The following ERLIN1 variants were observed in gnomAD, a reference collection of about 807,000 sequenced individuals.
The protein encoded by ERLIN1 is erlin-1.
In ERLIN1, 24 loss-of-function variants were observed where a neutral mutation model predicts 46.9. That is an observed-to-expected ratio of 0.51 (90% CI 0.37 to 0.72). The LOEUF (loss-of-function observed/expected upper bound fraction) is 0.72, where lower values mean the gene tolerates loss of function less well. Among genes scored for constraint, ERLIN1 ranks in the 30% least tolerant of loss-of-function variants. The probability of loss-of-function intolerance (pLI) is 0.00; values close to 1 mark genes in which losing one functional copy is unlikely to be tolerated. For synonymous variants in ERLIN1, 158 were observed against 143.2 expected (o/e 1.10, Z -0.74); for missense variants, 293 against 417.9 (o/e 0.70, Z 2.61).
intron 1 of ERLIN1, among the ~76,000 whole-genome samples, chr10:100,184,828 T>C (rs142180368): frequency 6.6e-6 from 1 of 152,204 alleles, no homozygotes; most frequent in Non-Finnish European, 1.5e-5. Flanking sequence ...AAGCAAAAAG[T>C]TGACGCTCTT....
Position 100,150,254 on chromosome 10 carries a change from C to T in ERLIN1, c.*1877G>A, listed in dbSNP as rs1842735739. 1 of 103,120 alleles carries T rather than the reference C, an allele frequency of 9.7e-6. No individual in the cohort carries two copies. Among genetic ancestry groups the T allele is most frequent in the Non-Finnish European group, 2.0e-5 (1 of 50,400 alleles). 6.4% of individuals were successfully genotyped at this position (103,120 alleles called of 1,614,324 possible). On this transcript the variant is annotated 3_prime_UTR_variant, in exon 11 of 11. Transcript: ENST00000421367. ...GGCACAGGGAGGCACACTCCTCACA[C>T]ATGGGAGTTTAAGCAGAAGTGCTTT...
At chr10:100,152,929 C>A (rs1185754209) in intron 10 of ERLIN1, among the ~76,000 whole-genome samples, 1 of 152,068 alleles carries the variant, frequency 6.6e-6, no homozygotes, top group Admixed American at 6.6e-5. Flanking sequence ...TAGCTCGCTG[C>A]TGCAGCCTCA....
intron 3 of ERLIN1, among the ~76,000 whole-genome samples, chr10:100,178,504 C>G (rs183251501): frequency 1.1e-3 from 175 of 152,284 alleles, no homozygotes; most frequent in African/African-American, 4.0e-3. Context: ...TTCCCTAAAC[C>G]TCTTTAGGAC....
At chr10:100,177,166 A>G (rs1434017706) in intron 4 of ERLIN1, among the ~76,000 whole-genome samples, 1 of 152,132 alleles carries the variant, frequency 6.6e-6, no homozygotes, top group African/African-American at 2.4e-5. Context: ...TAAATACTTA[A>G]TGACTAAATC....
At chr10:100,161,523 C>T (rs1172373469) in intron 8 of ERLIN1, among the ~76,000 whole-genome samples, 2 of 151,962 alleles carry the variant, frequency 1.3e-5, no homozygotes, top group African/African-American at 4.8e-5. Flanking sequence ...AATCAAAATC[C>T]CAACACAATA....
At chr10:100,165,304 C>A (rs1843568981) in intron 7 of ERLIN1, among the ~76,000 whole-genome samples, 1 of 151,896 alleles carries the variant, frequency 6.6e-6, no homozygotes, top group Non-Finnish European at 1.5e-5. Context: ...TTGATAAAGA[C>A]ATCAAATGAC....
chr10:100,161,670 C>T (rs76650494), intron 8 of ERLIN1, among the ~76,000 whole-genome samples: 4 of 151,988 alleles, frequency 2.6e-5, no homozygotes, highest in Admixed American at 6.6e-5. Context: ...CTCTCCACAT[C>T]GCAAGACTTA....
Position 100,180,928 on chromosome 10 carries a change from T to C in ERLIN1, c.196-1681A>G, listed in dbSNP as rs947027772. 3.9e-5 allele frequency among the ~76,000 whole-genome samples: 6 copies of C among 152,254 alleles called. No individual in the cohort carries two copies. The South Asian group carries it at 6.2e-4, about 16-fold the overall frequency. ...ATGAAAGCTGTCAATCCAGACATAATAGAGGAGGTATCTGATACTTGGTTG... is the reference window on the plus strand; with the variant it reads ...ATGAAAGCTGTCAATCCAGACATAACAGAGGAGGTATCTGATACTTGGTTG... On this transcript the variant is annotated intron_variant, in intron 2 of 10. Coordinates refer to ENST00000421367, the MANE Select transcript of ERLIN1 (RefSeq NM_006459.4).
chr10:100,154,204 G>A (rs1359216844), intron 10 of ERLIN1, among the ~76,000 whole-genome samples: 3 of 152,090 alleles, frequency 2.0e-5, no homozygotes, highest in African/African-American at 4.8e-5. Flanking sequence ...GCCCTGTACC[G>A]TCTAGCCAGC....
At chr10:100,183,634 T>C (rs1844787419) in intron 2 of ERLIN1, 122 bp downstream of exon 2, 3 of 609,016 alleles carry the variant, frequency 4.9e-6, no homozygotes, top group Non-Finnish European at 5.8e-6. Context: ...CGTTAACTTC[T>C]GCATTTAAGT....
At chr10:100,155,670 A>G (rs945392210) in intron 9 of ERLIN1, among the ~76,000 whole-genome samples, 11 of 151,744 alleles carry the variant, frequency 7.2e-5, no homozygotes, top group African/African-American at 2.7e-4. Flanking sequence ...GCCCGCCACC[A>G]CGCCCGGCTA....
chr10:100,168,680 CTTT>C (rs200700163), intron 6 of ERLIN1, among the ~76,000 whole-genome samples: 4 of 138,308 alleles, frequency 2.9e-5, no homozygotes, highest in South Asian at 2.3e-4. Flanking sequence ...TAAAGTAGGA[CTTT>C]TTTTTTTTTT....
At chr10:100,173,403 C>A (rs1038327420) in intron 6 of ERLIN1, among the ~76,000 whole-genome samples, 1 of 152,102 alleles carries the variant, frequency 6.6e-6, no homozygotes, top group Non-Finnish European at 1.5e-5. Flanking sequence ...AAACACCTAC[C>A]CCGCCACACT....
chr10:100,161,651 C>G (rs1843368941), intron 8 of ERLIN1, among the ~76,000 whole-genome samples: 1 of 152,088 alleles, frequency 6.6e-6, no homozygotes, highest in Non-Finnish European at 1.5e-5. Flanking sequence ...GAAATAGTTA[C>G]ACAACTCACT....
chr10:100,179,456 C>T (rs1844506283), intron 2 of ERLIN1, among the ~76,000 whole-genome samples: 2 of 150,690 alleles, frequency 1.3e-5, no homozygotes, highest in Admixed American at 1.3e-4. Context: ...TATTTTACAG[C>T]AATTTTTTTT....
intron 6 of ERLIN1, among the ~76,000 whole-genome samples, chr10:100,172,898 C>A (rs1844083965): frequency 6.6e-6 from 1 of 152,088 alleles, no homozygotes; most frequent in Non-Finnish European, 1.5e-5. Flanking sequence ...TGAGTAACAC[C>A]CTGGGCAGAA....
chr10:100,183,014 C>T (rs1844751531), intron 2 of ERLIN1, among the ~76,000 whole-genome samples: 1 of 152,160 alleles, frequency 6.6e-6, no homozygotes. Flanking sequence ...TCTCACTTAG[C>T]AGGAAGCCTA....
chr10:100,183,517 T>C (rs1280608527), intron 2 of ERLIN1, among the ~76,000 whole-genome samples: 1 of 152,252 alleles, frequency 6.6e-6, no homozygotes, highest in African/African-American at 2.4e-5. Flanking sequence ...ACGATATAGA[T>C]GGTAGAAGTC....
chr10:100,185,642 G>A lies in ERLIN1; in HGVS notation c.-16C>T. The A allele has an allele frequency of 6.2e-7, 1 of 1,607,660 alleles. No homozygotes were observed. The highest frequency in any genetic ancestry group is 1.1e-5 in the South Asian group (1 of 90,982). The stretch of plus-strand genomic sequence containing the variant: ...TCATATTCATTCTCGTTCCTCCTGG[G>A]AGCGGGAGAAAAGGACCCTCAGTCC... On this transcript the variant is annotated 5_prime_UTR_variant, in exon 1 of 11. Coordinates refer to ENST00000421367, the MANE Select transcript of ERLIN1 (RefSeq NM_006459.4).
Sources: gnomAD v4.1 joint callset for allele counts (sites outside exome capture counted in the v4.1 genomes callset) on GRCh38, gnomAD v4.1.1 for gene constraint, MANE v1.5 for transcripts, NCBI Gene and HGNC (gene_info 2026-07-23, HGNC 2026-07-21) for gene names.